The following BTBD9 variants were observed in gnomAD, a reference collection of about 807,000 sequenced individuals.
The protein encoded by BTBD9 is BTB domain containing 9, also known as BTB/POZ domain-containing protein 9.
Under a neutral mutation model 64.3 loss-of-function variants are expected in BTBD9, and 49 were observed. The ratio of observed to expected loss-of-function variants is 0.76; its 90% CI spans 0.61 to 0.97. BTBD9 has a LOEUF of 0.97. BTBD9 is among the 50% of genes least tolerant of loss of function. The pLI, the probability that BTBD9 is intolerant of heterozygous loss-of-function variation, is 0.00. For missense variants in BTBD9, 598 were observed against 762.1 expected (o/e 0.78, Z 2.53); for synonymous variants, 260 against 274.7 (o/e 0.95, Z 0.53).
At chr6:38,598,660 G>T (rs573529217) in intron 1 of BTBD9, among the ~76,000 whole-genome samples, 1 of 152,148 alleles carries the variant, frequency 6.6e-6, no homozygotes, top group African/African-American at 2.4e-5. Context: ...GCTCACGCCT[G>T]TAATCCCAGC....
At chr6:38,326,625 TA>T (rs933239821) in intron 7 of BTBD9, among the ~76,000 whole-genome samples, 1 of 152,170 alleles carries the variant, frequency 6.6e-6, no homozygotes, top group Admixed American at 6.5e-5. Flanking sequence ...AAAAGTTTTC[TA>T]TAATTAGAAA....
intron 9 of BTBD9, among the ~76,000 whole-genome samples, chr6:38,231,151 A>G (rs1763592501): frequency 6.6e-6 from 1 of 152,240 alleles, no homozygotes; most frequent in South Asian, 2.1e-4. Context: ...CCTAACTTGC[A>G]TTACTAAAAA....
chr6:38,361,504 C>T (rs1000370378), intron 6 of BTBD9, among the ~76,000 whole-genome samples: 1 of 151,900 alleles, frequency 6.6e-6, no homozygotes, highest in African/African-American at 2.4e-5. Flanking sequence ...GATCATGCCA[C>T]GGCGCTCCAG....
chr6:38,502,064 G>T (rs571001739), intron 6 of BTBD9, among the ~76,000 whole-genome samples: 1 of 152,176 alleles, frequency 6.6e-6, no homozygotes, highest in Non-Finnish European at 1.5e-5. Flanking sequence ...TCAATGAGAA[G>T]CTGGTTTCTA....
At chr6:38,362,270 T>C (rs1452990757) in intron 6 of BTBD9, among the ~76,000 whole-genome samples, 1 of 152,262 alleles carries the variant, frequency 6.6e-6, no homozygotes, top group Non-Finnish European at 1.5e-5. Flanking sequence ...TTATGGTGTG[T>C]CTCACGTTGT....
chr6:38,541,873 GTA>G (rs562931557), intron 6 of BTBD9, among the ~76,000 whole-genome samples: 3 of 152,308 alleles, frequency 2.0e-5, no homozygotes, highest in Non-Finnish European at 4.4e-5. Flanking sequence ...TCTTCCATTT[GTA>G]TATGAGTAGA....
intron 9 of BTBD9, chr6:38,207,271 TG>T (rs1253292252): frequency 8.6e-6 from 2 of 232,018 alleles, no homozygotes; most frequent in East Asian, 1.5e-4. Context: ...TAAAAGAAAA[TG>T]GGGTCAATGA....
chr6:38,353,176 C>T (rs894778203), intron 6 of BTBD9, among the ~76,000 whole-genome samples: 3 of 152,174 alleles, frequency 2.0e-5, no homozygotes, highest in Admixed American at 2.0e-4. Flanking sequence ...AAACATAGTA[C>T]ACCTATTATA....
intron 9 of BTBD9, among the ~76,000 whole-genome samples, chr6:38,237,547 CAT>C (rs1763818626): frequency 6.6e-6 from 1 of 152,156 alleles, no homozygotes. Context: ...CATAAAATCA[CAT>C]GATATCACAA....
chr6:38,325,874 T>C (rs1763407247), intron 7 of BTBD9, among the ~76,000 whole-genome samples: 4 of 152,216 alleles, frequency 2.6e-5, no homozygotes, highest in Non-Finnish European at 5.9e-5. Flanking sequence ...ATTCCACTTA[T>C]TCATTCATTC....
intron 6 of BTBD9, among the ~76,000 whole-genome samples, chr6:38,504,267 T>C (rs1772344875): frequency 6.6e-6 from 1 of 152,190 alleles, no homozygotes; most frequent in South Asian, 2.1e-4. Flanking sequence ...TGCTCAGCAA[T>C]CTTACTACAC....
intron 6 of BTBD9, among the ~76,000 whole-genome samples, chr6:38,574,384 G>C (rs1331611423): frequency 1.3e-5 from 2 of 152,092 alleles, no homozygotes; most frequent in Non-Finnish European, 1.5e-5. Context: ...CGGTTGTTAA[G>C]ATAAAACTGT....
At chr6:38,304,556 CAA>C (rs1157109972) in intron 7 of BTBD9, among the ~76,000 whole-genome samples, 1 of 141,498 alleles carries the variant, frequency 7.1e-6, no homozygotes, top group Non-Finnish European at 1.6e-5. Context: ...AAAAAACAAA[CAA>C]AAAAAAAAAA....
At chr6:38,367,202 C>T (rs939218665) in intron 6 of BTBD9, among the ~76,000 whole-genome samples, 2 of 152,134 alleles carry the variant, frequency 1.3e-5, no homozygotes, top group Non-Finnish European at 2.9e-5. Context: ...CCGAGGGTGG[C>T]CTATAATTTA....
chr6:38,379,185 T>G (rs1409105623), intron 6 of BTBD9, among the ~76,000 whole-genome samples: 2 of 152,126 alleles, frequency 1.3e-5, no homozygotes, highest in Non-Finnish European at 2.9e-5. Flanking sequence ...CAGGGAGAGA[T>G]GCTGAAGCAG....
chr6:38,598,733 C>T (rs1212774105), intron 1 of BTBD9, among the ~76,000 whole-genome samples: 2 of 152,006 alleles, frequency 1.3e-5, no homozygotes, highest in Admixed American at 6.6e-5. Flanking sequence ...GCCTGACCAA[C>T]ATGGAGAAAC....
intron 6 of BTBD9, among the ~76,000 whole-genome samples, chr6:38,543,956 C>CAAA (rs1191747441): frequency 1.4e-5 from 1 of 71,392 alleles, no homozygotes; most frequent in Non-Finnish European, 2.9e-5. Context: ...GACTCCGTCT[C>CAAA]AAAAAAAAAA....
intron 8 of BTBD9, among the ~76,000 whole-genome samples, chr6:38,271,143 G>C (rs1241026566): frequency 6.6e-6 from 1 of 152,112 alleles, no homozygotes; most frequent in Non-Finnish European, 1.5e-5. Context: ...TTTAGCAGCA[G>C]AATCTCTTTT....
chr6:38,604,502 T>C (rs1024006513), intron 1 of BTBD9, among the ~76,000 whole-genome samples: 115 of 152,222 alleles, frequency 7.6e-4, no homozygotes, highest in African/African-American at 2.7e-3. Context: ...GGCTCAGTGC[T>C]AGGCGACAGA....
Sources: allele counts gnomAD v4.1 joint callset (sites outside exome capture counted in the v4.1 genomes callset), GRCh38; gene constraint gnomAD v4.1.1; transcripts MANE v1.5; gene names NCBI Gene and HGNC (gene_info 2026-07-23, HGNC 2026-07-21).